The following STK24 variants were observed in gnomAD, a reference collection of about 807,000 sequenced individuals.
STK24 encodes serine/threonine-protein kinase 24.
Under a neutral mutation model 55.6 loss-of-function variants are expected in STK24, and 21 were observed. That is an observed-to-expected ratio of 0.38 (90% CI 0.27 to 0.54). The LOEUF is 0.54. Ranked by LOEUF, STK24 falls within the 20% of genes least tolerant of loss-of-function variation. STK24 has a pLI of 0.79. For missense variants in STK24, 383 were observed against 538.4 expected (o/e 0.71, Z 2.86); for synonymous variants, 200 against 215.2 (o/e 0.93, Z 0.62).
rs1241552849 is a variant in STK24, at chr13:98,452,331, T to C, written c.*842A>G. ...ACAAATGTCAGACGAGAGCGCTTCA[T>C]GGGGAGAAACTGAAAATTATAATTT... On this transcript the variant is annotated 3_prime_UTR_variant, in exon 11 of 11. Transcript: ENST00000539966. The C allele has an allele frequency of 6.6e-6, 1 of 152,554 alleles. No individual in the cohort carries two copies. Among genetic ancestry groups the C allele is most frequent in the Non-Finnish European group, 1.5e-5 (1 of 68,000 alleles). 9.5% of individuals were successfully genotyped at this position (152,554 alleles called of 1,614,324 possible).
chr13:98,546,465 T>C (rs1897031260), intron 1 of STK24, among the ~76,000 whole-genome samples: 1 of 152,230 alleles, frequency 6.6e-6, no homozygotes, highest in South Asian at 2.1e-4. Flanking sequence ...AAGCTGAATC[T>C]ATGCCAGAAG....
At chr13:98,480,130 A>C (rs186847405) in intron 3 of STK24, among the ~76,000 whole-genome samples, 7 of 152,358 alleles carry the variant, frequency 4.6e-5, no homozygotes, top group African/African-American at 1.7e-4. Flanking sequence ...CAGAAGTGAA[A>C]AACAGTTTGC....
chr13:98,453,136 A>T lies in STK24; in HGVS notation c.*37T>A, dbSNP rs1893276649. 1 of 1,612,196 alleles carries T rather than the reference A, an allele frequency of 6.2e-7. No homozygotes were observed. Among genetic ancestry groups the T allele is most frequent in the Non-Finnish European group, 8.5e-7 (1 of 1,178,894 alleles). On this transcript the variant is annotated 3_prime_UTR_variant, in exon 11 of 11. Transcript: ENST00000539966. ...AAAAAAGGAGGAGGATGAAGAAGGA[A>T]AAAAGGAAAAACAAAACCCCAAATG...
chr13:98,495,069 G>A (rs1306667250), intron 2 of STK24, among the ~76,000 whole-genome samples: 1 of 152,212 alleles, frequency 6.6e-6, no homozygotes, highest in Non-Finnish European at 1.5e-5. Context: ...CAGGTCCGAT[G>A]TCAGCAACAA....
intron 2 of STK24, among the ~76,000 whole-genome samples, chr13:98,518,405 C>T (rs1896144040): frequency 6.6e-6 from 1 of 152,238 alleles, no homozygotes; most frequent in African/African-American, 2.4e-5. Context: ...GCTGCCTCCC[C>T]TGGAAAATCA....
At chr13:98,529,102 G>A (rs562177280) in intron 1 of STK24, among the ~76,000 whole-genome samples, 4 of 152,178 alleles carry the variant, frequency 2.6e-5, no homozygotes, top group East Asian at 3.9e-4. Flanking sequence ...CCTGTCTGGC[G>A]CTACCACCCA....
chr13:98,536,521 T>C (rs1402858276), intron 1 of STK24, among the ~76,000 whole-genome samples: 1 of 152,028 alleles, frequency 6.6e-6, no homozygotes. Flanking sequence ...TGTGCCACCA[T>C]GCCTGGCTGA....
At chr13:98,542,284 CTAAA>C (rs1896910067) in intron 1 of STK24, among the ~76,000 whole-genome samples, 1 of 152,138 alleles carries the variant, frequency 6.6e-6, no homozygotes, top group South Asian at 2.1e-4. Context: ...GTGTGCAAAC[CTAAA>C]TAAATATTGC....
intron 1 of STK24, among the ~76,000 whole-genome samples, chr13:98,576,540 G>A (rs929802133): frequency 1.3e-5 from 2 of 151,980 alleles, no homozygotes; most frequent in African/African-American, 2.4e-5. Context: ...GCTCCTGCAC[G>A]CACACGCCGG....
intron 5 of STK24, among the ~76,000 whole-genome samples, chr13:98,468,409 C>T (rs1288131799): frequency 2.6e-5 from 4 of 152,260 alleles, no homozygotes; most frequent in Non-Finnish European, 5.9e-5. Flanking sequence ...TGATCCCAGT[C>T]TCTTGCCCCT....
intron 2 of STK24, among the ~76,000 whole-genome samples, chr13:98,491,691 C>CAAAAAAAAAA (rs11285292): frequency 7.5e-6 from 1 of 132,738 alleles, no homozygotes; most frequent in Non-Finnish European, 1.6e-5. Context: ...ATTACTAAGC[C>CAAAAAAAAAA]AAAAAAAAAA....
intron 2 of STK24, among the ~76,000 whole-genome samples, chr13:98,506,096 C>A (rs1895670025): frequency 1.3e-5 from 2 of 152,306 alleles, no homozygotes; most frequent in African/African-American, 4.8e-5. Context: ...GACAAAAGGA[C>A]TCGCCAAAAC....
intron 2 of STK24, among the ~76,000 whole-genome samples, chr13:98,482,983 C>A (rs9517323): frequency 4.6e-5 from 7 of 152,252 alleles, no homozygotes; most frequent in Non-Finnish European, 1.0e-4. Flanking sequence ...CCGGCTCTCA[C>A]AGTCCCCAGC....
intron 7 of STK24, 88 bp from the exon 8 acceptor site, chr13:98,461,985 C>T: frequency 1.9e-6 from 3 of 1,541,318 alleles, no homozygotes; most frequent in Non-Finnish European, 2.7e-6. Context: ...CGCCTGGGGA[C>T]CTCTAAACCC....
intron 2 of STK24, among the ~76,000 whole-genome samples, chr13:98,485,264 C>T (rs180711015): frequency 3.3e-5 from 5 of 152,242 alleles, no homozygotes; most frequent in South Asian, 4.1e-4. Context: ...TCCGAGCATT[C>T]GGGGAGAATT....
At chr13:98,528,836 G>A (rs1256165264) in intron 1 of STK24, among the ~76,000 whole-genome samples, 3 of 152,130 alleles carry the variant, frequency 2.0e-5, no homozygotes, top group Admixed American at 6.5e-5. Flanking sequence ...TGAGGGTGAC[G>A]TGCTCTAATA....
chr13:98,467,717 C>A (rs1893975329), intron 5 of STK24, among the ~76,000 whole-genome samples: 1 of 152,096 alleles, frequency 6.6e-6, no homozygotes, highest in South Asian at 2.1e-4. Context: ...TTCTGCCCAG[C>A]ACAGGCCTGT....
At chr13:98,544,907 A>C (rs1199734844) in intron 1 of STK24, among the ~76,000 whole-genome samples, 2 of 152,216 alleles carry the variant, frequency 1.3e-5, no homozygotes, top group African/African-American at 4.8e-5. Context: ...AGTAGAAAAC[A>C]ATGACAAAAA....
At chr13:98,495,104 C>T (rs1371252315) in intron 2 of STK24, among the ~76,000 whole-genome samples, 1 of 152,202 alleles carries the variant, frequency 6.6e-6, no homozygotes, top group Non-Finnish European at 1.5e-5. Flanking sequence ...TACTACCAGA[C>T]AAGATTCAAG....
Sources: allele counts gnomAD v4.1 joint callset (sites outside exome capture counted in the v4.1 genomes callset), GRCh38; gene constraint gnomAD v4.1.1; transcripts MANE v1.5; gene names NCBI Gene and HGNC (gene_info 2026-07-23, HGNC 2026-07-21).